The following MGAT4C variants were observed in gnomAD, a reference collection of about 807,000 sequenced individuals.
MGAT4C encodes the protein alpha-1,3-mannosyl-glycoprotein 4-beta-N-acetylglucosaminyltransferase C.
Under a neutral mutation model 40.1 loss-of-function variants are expected in MGAT4C, and 19 were observed. The ratio of observed to expected loss-of-function variants is 0.47; its 90% CI spans 0.33 to 0.70. MGAT4C has a LOEUF of 0.70. Among genes scored for constraint, MGAT4C ranks in the 30% least tolerant of loss-of-function variants. The pLI is 0.02. For synonymous variants in MGAT4C, 181 were observed against 187.1 expected, an observed-to-expected ratio of 0.97 and a Z score of 0.27; for missense variants, 491 against 563.2, an observed-to-expected ratio of 0.87 and a Z score of 1.30.
intron 2 of MGAT4C, among the ~76,000 whole-genome samples, chr12:86,549,462 T>C (rs1362287568): frequency 2.0e-5 from 3 of 152,214 alleles, no homozygotes; most frequent in Non-Finnish European, 4.4e-5. Flanking sequence ...GTTGGAAATA[T>C]AATGTGATTT....
At chr12:86,156,610 C>T (rs570432458) in intron 1 of MGAT4C, among the ~76,000 whole-genome samples, 10 of 152,192 alleles carry the variant, frequency 6.6e-5, no homozygotes, top group African/African-American at 2.2e-4. Context: ...TGTGAGCCAC[C>T]GCGTCCAGCT....
At chr12:85,987,872 A>G (rs1173519467) in intron 3 of MGAT4C, among the ~76,000 whole-genome samples, 1 of 152,206 alleles carries the variant, frequency 6.6e-6, no homozygotes, top group African/African-American at 2.4e-5. Context: ...TTGATTTACA[A>G]GATTTTATTT....
chr12:86,745,628 T>C (rs1565961449), intron 1 of MGAT4C, among the ~76,000 whole-genome samples: 1 of 151,658 alleles, frequency 6.6e-6, no homozygotes, highest in African/African-American at 2.4e-5. Flanking sequence ...TTTAGCATGA[T>C]TTGTATCTGT....
chr12:86,792,057 A>C (rs1952031807), intron 1 of MGAT4C, among the ~76,000 whole-genome samples: 2 of 152,188 alleles, frequency 1.3e-5, no homozygotes, highest in South Asian at 4.1e-4. Flanking sequence ...TACAACGTTG[A>C]CAGAAAAATA....
intron 2 of MGAT4C, among the ~76,000 whole-genome samples, chr12:86,538,534 C>T (rs534978432): frequency 2.3e-4 from 35 of 151,724 alleles, no homozygotes; most frequent in African/African-American, 8.2e-4. Flanking sequence ...AAATCTAGGG[C>T]TTAACTCATA....
chr12:86,336,238 CAG>C (rs1324210563), intron 3 of MGAT4C, among the ~76,000 whole-genome samples: 1 of 152,132 alleles, frequency 6.6e-6, no homozygotes, highest in Non-Finnish European at 1.5e-5. Flanking sequence ...CCTGCAGATA[CAG>C]AGAGACAATT....
intron 2 of MGAT4C, among the ~76,000 whole-genome samples, chr12:86,485,498 T>C (rs1481564494): frequency 1.2e-5 from 1 of 86,804 alleles, no homozygotes; most frequent in Non-Finnish European, 3.0e-5. Context: ...AATTGAACAT[T>C]AGTTCTTCAA....
chr12:86,105,438 A>T (rs1485730116), intron 1 of MGAT4C, among the ~76,000 whole-genome samples: 2 of 152,168 alleles, frequency 1.3e-5, no homozygotes, highest in Non-Finnish European at 2.9e-5. Flanking sequence ...CCTCATTAGC[A>T]TGTACATGTT....
At chr12:86,560,675 T>C (rs915101923) in intron 2 of MGAT4C, among the ~76,000 whole-genome samples, 13 of 152,116 alleles carry the variant, frequency 8.5e-5, no homozygotes, top group Admixed American at 2.0e-4. Flanking sequence ...AGCCCACAGC[T>C]AATATTATAC....
chr12:85,989,246 G>A (rs1885603617), intron 3 of MGAT4C, among the ~76,000 whole-genome samples, 154 bp downstream of exon 3: 1 of 151,908 alleles, frequency 6.6e-6, no homozygotes, highest in Non-Finnish European at 1.5e-5. Context: ...TTGATGTATG[G>A]TTAATACAAA....
intron 1 of MGAT4C, among the ~76,000 whole-genome samples, chr12:86,224,300 T>C (rs1241600304): frequency 6.6e-6 from 1 of 152,114 alleles, no homozygotes; most frequent in Non-Finnish European, 1.5e-5. Context: ...CCCAGATTTA[T>C]AAAGCAAATA....
At chr12:86,338,008 C>T (rs560365761) in intron 3 of MGAT4C, among the ~76,000 whole-genome samples, 13 of 152,160 alleles carry the variant, frequency 8.5e-5, no homozygotes, top group East Asian at 1.9e-4. Context: ...ATGTTATAAC[C>T]GCCCAATGGG....
Position 86,162,471 on chromosome 12 carries a change from T to C in MGAT4C, c.-57+93768A>G, listed in dbSNP as rs1343330928. On this transcript the variant is annotated intron_variant, in intron 1 of 4. Coordinates refer to ENST00000611864, the MANE Select transcript of MGAT4C (RefSeq NM_001351288.2). ...ATACACATGGACATAAATATTGGAATAATAGAGAGTAGTGACAACTAGAGG... is the reference window on the plus strand; with the variant it reads ...ATACACATGGACATAAATATTGGAACAATAGAGAGTAGTGACAACTAGAGG... 2.6e-5 allele frequency among the ~76,000 whole-genome samples: 4 copies of C among 151,990 alleles called. No homozygotes were observed. In the East Asian group the frequency reaches 7.7e-4, roughly 29 times the overall value.
intron 1 of MGAT4C, among the ~76,000 whole-genome samples, chr12:86,158,898 G>T (rs1002039496): frequency 6.6e-6 from 1 of 152,074 alleles, no homozygotes; most frequent in Non-Finnish European, 1.5e-5. Flanking sequence ...GTATCCTAAA[G>T]CTTAACTAAA....
chr12:86,312,781 A>G (rs1470545747), intron 4 of MGAT4C, among the ~76,000 whole-genome samples: 1 of 152,164 alleles, frequency 6.6e-6, no homozygotes, highest in Non-Finnish European at 1.5e-5. Flanking sequence ...ATTAGAAGTC[A>G]TCATATAGCA....
At position 85,973,223 on chromosome 12, in the gene MGAT4C, G is replaced by A. The variant is rs1883717473; in HGVS notation, c.*6066C>T. On this transcript the variant is annotated 3_prime_UTR_variant, in exon 5 of 5. Transcript: ENST00000611864. ...CTACGTCTCTTCCAGAACTTCGAGT[G>A]CACTATAAATTAAATATTTAAAATA... 1 of 150,674 alleles carries A rather than the reference G, an allele frequency of 6.6e-6. No individual in the cohort carries two copies. Among genetic ancestry groups the A allele is most frequent in the Non-Finnish European group, 1.5e-5 (1 of 67,010 alleles). The allele number at this position is 150,674 out of a possible 1,614,324, so 9.3% of individuals were successfully genotyped here. A position where few individuals can be genotyped will look rare whatever the true frequency, so the allele number is the denominator to read the frequency against.
chr12:86,175,601 C>T (rs1486573390), intron 1 of MGAT4C, among the ~76,000 whole-genome samples: 3 of 151,878 alleles, frequency 2.0e-5, no homozygotes, highest in Admixed American at 2.0e-4. Flanking sequence ...TAATGTCAAA[C>T]GTATACCAAA....
At chr12:86,034,749 G>C (rs1891070873) in intron 2 of MGAT4C, among the ~76,000 whole-genome samples, 1 of 149,002 alleles carries the variant, frequency 6.7e-6, no homozygotes, top group East Asian at 1.9e-4. Context: ...ACCCCAACAG[G>C]TTCCGGTGTG....
At chr12:86,300,183 T>A (rs577764720) in intron 4 of MGAT4C, among the ~76,000 whole-genome samples, 1 of 152,308 alleles carries the variant, frequency 6.6e-6, no homozygotes, top group East Asian at 1.9e-4. Flanking sequence ...GTGCATCCAA[T>A]TTTTTTCTAT....
Sources: gnomAD v4.1 joint callset for allele counts (sites outside exome capture counted in the v4.1 genomes callset) on GRCh38, gnomAD v4.1.1 for gene constraint, MANE v1.5 for transcripts, NCBI Gene and HGNC (gene_info 2026-07-23, HGNC 2026-07-21) for gene names.